The following HLCS variants were observed in gnomAD, a reference collection of about 807,000 sequenced individuals.
HLCS encodes biotin--protein ligase.
A neutral mutation model predicts 75.0 loss-of-function variants in HLCS; 53 were observed. That is an observed-to-expected ratio of 0.71 (90% confidence interval 0.57 to 0.89). The LOEUF is 0.89. Among genes scored for constraint, HLCS ranks in the 40% least tolerant of loss-of-function variants. The probability of loss-of-function intolerance (pLI) is 0.00; values close to 1 mark genes in which losing one functional copy is unlikely to be tolerated. For synonymous variants in HLCS, 431 were observed against 428.6 expected (o/e 1.01, Z -0.07); for missense variants, 966 against 1,074.0 (o/e 0.90, Z 1.41).
At chr21:36,814,863 C>T (rs2061613815) in intron 6 of HLCS, among the ~76,000 whole-genome samples, 1 of 152,104 alleles carries the variant, frequency 6.6e-6, no homozygotes, top group Non-Finnish European at 1.5e-5. Context: ...AGAATTCCAG[C>T]CTCCTTTATT....
chr21:36,874,746 C>A (rs897653267), intron 6 of HLCS, among the ~76,000 whole-genome samples: 2 of 152,188 alleles, frequency 1.3e-5, no homozygotes, highest in African/African-American at 2.4e-5. Context: ...GGAGCTAACA[C>A]AGGCCAGGAA....
At chr21:36,969,350 GAGC>G (rs1157977730), upstream of HLCS, among the ~76,000 whole-genome samples, 8 of 152,082 alleles carry the variant, frequency 5.3e-5, no homozygotes, top group Admixed American at 4.6e-4. Context: ...GTGGTCCTTA[GAGC>G]AGCAGCAGCA....
intron 4 of HLCS, among the ~76,000 whole-genome samples, chr21:36,931,437 G>A (rs368681045): frequency 2.6e-5 from 4 of 151,996 alleles, no homozygotes; most frequent in African/African-American, 9.7e-5. Context: ...AGAGAGCAGC[G>A]TTATTCATCA....
intron 6 of HLCS, among the ~76,000 whole-genome samples, chr21:36,825,217 C>G (rs1418490907): frequency 6.6e-6 from 1 of 151,840 alleles, no homozygotes; most frequent in African/African-American, 2.4e-5. Context: ...GGTCCTGTCT[C>G]TATAAAAAAT....
intron 7 of HLCS, among the ~76,000 whole-genome samples, chr21:36,765,435 A>G (rs992123840): frequency 5.9e-5 from 9 of 152,208 alleles, no homozygotes; most frequent in African/African-American, 2.2e-4. Context: ...AGAGTCTTAC[A>G]GCGTCTGAAC....
intron 6 of HLCS, among the ~76,000 whole-genome samples, chr21:36,880,480 T>A (rs1449810560): frequency 6.6e-6 from 1 of 152,026 alleles, no homozygotes; most frequent in Non-Finnish European, 1.5e-5. Context: ...ATTACCTCAA[T>A]GGGCATCACA....
chr21:36,954,476 C>T (rs1331072296), intron 2 of HLCS, among the ~76,000 whole-genome samples: 4 of 151,378 alleles, frequency 2.6e-5, no homozygotes, highest in East Asian at 2.0e-4. Context: ...ATTAACCAGG[C>T]GTGGTGGCGG....
At chr21:36,780,781 TA>T (rs2060503923) in intron 6 of HLCS, among the ~76,000 whole-genome samples, 1 of 152,128 alleles carries the variant, frequency 6.6e-6, no homozygotes, top group African/African-American at 2.4e-5. Context: ...CGCGCAGAGA[TA>T]CCTGTTTCCC....
At chr21:36,759,654 C>T in intron 9 of HLCS, 73 bp downstream of exon 9, 1 of 864,728 alleles carries the variant, frequency 1.2e-6, no homozygotes, top group Non-Finnish European at 2.0e-6. Flanking sequence ...CCAATGTAGG[C>T]ATGCATAAAC....
intron 2 of HLCS, among the ~76,000 whole-genome samples, chr21:36,940,707 T>C (rs560653266): frequency 1.4e-3 from 215 of 152,298 alleles, no homozygotes; most frequent in African/African-American, 5.0e-3. Flanking sequence ...TCCTTGCTCA[T>C]CCAAGCAACT....
intron 6 of HLCS, among the ~76,000 whole-genome samples, chr21:36,841,357 A>G (rs2062608187): frequency 6.6e-6 from 1 of 152,270 alleles, no homozygotes; most frequent in Non-Finnish European, 1.5e-5. Flanking sequence ...TCCAGAGTTC[A>G]TGAAATGCGA....
At chr21:36,874,303 G>A (rs530836463) in intron 6 of HLCS, among the ~76,000 whole-genome samples, 56 of 152,232 alleles carry the variant, frequency 3.7e-4, no homozygotes, top group South Asian at 2.1e-3. Flanking sequence ...TCGGGAGGCT[G>A]AGGCAGGAGA....
At chr21:36,949,698 A>C (rs966332657) in intron 2 of HLCS, among the ~76,000 whole-genome samples, 5 of 152,184 alleles carry the variant, frequency 3.3e-5, no homozygotes, top group African/African-American at 9.6e-5. Flanking sequence ...TCTGCATGAG[A>C]ATGACATGTC....
chr21:36,930,511 T>C, intron 4 of HLCS, 78 bp from the exon 5 acceptor site: 1 of 632,512 alleles, frequency 1.6e-6, no homozygotes, highest in Non-Finnish European at 2.4e-6. Context: ...TTTCTTTTTC[T>C]TTTTTTTTTT....
At chr21:36,981,829 C>T (rs2069127787) in intron 1 of HLCS, among the ~76,000 whole-genome samples, 1 of 152,164 alleles carries the variant, frequency 6.6e-6, no homozygotes, top group South Asian at 2.1e-4. Context: ...CTTGCAGCCT[C>T]TCCTTCTCAG....
intron 6 of HLCS, among the ~76,000 whole-genome samples, chr21:36,822,015 C>T (rs2061857472): frequency 6.6e-6 from 1 of 152,170 alleles, no homozygotes; most frequent in South Asian, 2.1e-4. Context: ...AGGAGAGCTG[C>T]AGCCAGTCAT....
intron 2 of HLCS, among the ~76,000 whole-genome samples, chr21:36,956,689 C>T (rs1024522823): frequency 1.3e-5 from 2 of 151,924 alleles, no homozygotes; most frequent in African/African-American, 4.8e-5. Context: ...GAGATCGTGC[C>T]ACTGCACTCT....
chr21:36,799,487 T>C (rs1290216379), intron 6 of HLCS, among the ~76,000 whole-genome samples: 1 of 152,214 alleles, frequency 6.6e-6, no homozygotes, highest in Non-Finnish European at 1.5e-5. Context: ...TTTATTTATA[T>C]ATCCAGGCAG....
chr21:36,779,145 TAC>T (rs1039621298), intron 6 of HLCS, among the ~76,000 whole-genome samples: 3 of 17,560 alleles, frequency 1.7e-4, no homozygotes, highest in African/African-American at 7.6e-4. Flanking sequence ...GGAACCTGAG[TAC>T]ACAAAAAATT....
Sources: allele counts gnomAD v4.1 joint callset (sites outside exome capture counted in the v4.1 genomes callset), GRCh38; gene constraint gnomAD v4.1.1; transcripts MANE v1.5; gene names NCBI Gene and HGNC (gene_info 2026-07-23, HGNC 2026-07-21).